The following TRAK1 variants were observed in gnomAD, a reference collection of about 807,000 sequenced individuals.
The protein encoded by TRAK1 is trafficking kinesin-binding protein 1.
Under a neutral mutation model 92.1 loss-of-function variants are expected in TRAK1, and 33 were observed. The ratio of observed to expected loss-of-function variants is 0.36; its 90% CI spans 0.27 to 0.48. TRAK1 has a LOEUF of 0.48. Ranked by LOEUF, TRAK1 falls within the 20% of genes least tolerant of loss-of-function variation. The pLI, the probability that TRAK1 is intolerant of heterozygous loss-of-function variation, is 0.99. For missense variants in TRAK1, 1,123 were observed against 1,257.9 expected (o/e 0.89, Z 1.62); for synonymous variants, 521 against 517.3 (o/e 1.01, Z -0.10).
At chr3:42,127,750 C>T (rs573413251) in intron 2 of TRAK1, among the ~76,000 whole-genome samples, 3 of 152,322 alleles carry the variant, frequency 2.0e-5, no homozygotes, top group South Asian at 2.1e-4. Flanking sequence ...AGAACATTCA[C>T]ACAAATTGCC....
At chr3:42,051,277 C>T (rs1260517267) in intron 1 of TRAK1, 7 of 152,316 alleles carry the variant, frequency 4.6e-5, no homozygotes, top group East Asian at 3.8e-4. Flanking sequence ...ATTGCCTCCC[C>T]AGCAGTGCAG....
chr3:42,191,378 A>G (rs1233656710), intron 6 of TRAK1, among the ~76,000 whole-genome samples, 180 bp from the exon 7 acceptor site: 4 of 152,294 alleles, frequency 2.6e-5, no homozygotes, highest in East Asian at 1.9e-4. Context: ...GTGCACATCC[A>G]TTATTAAGCT....
intron 1 of TRAK1, among the ~76,000 whole-genome samples, chr3:42,092,207 G>T (rs1705164040): frequency 6.6e-6 from 1 of 152,062 alleles, no homozygotes; most frequent in South Asian, 2.1e-4. Flanking sequence ...CTTGCTGTGG[G>T]GCTGACACCT....
At chr3:42,109,756 G>A (rs1708080976) in intron 1 of TRAK1, among the ~76,000 whole-genome samples, 2 of 152,074 alleles carry the variant, frequency 1.3e-5, no homozygotes, top group African/African-American at 4.8e-5. Flanking sequence ...TATACACCAT[G>A]CAATACTATG....
At chr3:42,017,842 C>T (rs1196429785) in intron 1 of TRAK1, among the ~76,000 whole-genome samples, 4 of 152,012 alleles carry the variant, frequency 2.6e-5, no homozygotes, top group Non-Finnish European at 5.9e-5. Context: ...TTTTTGTTTT[C>T]AAAATTTATT....
chr3:42,112,643 G>T (rs1439616237), intron 1 of TRAK1, among the ~76,000 whole-genome samples: 1 of 128,058 alleles, frequency 7.8e-6, no homozygotes, highest in Non-Finnish European at 1.6e-5. Context: ...GCTGAGGCAC[G>T]AGAATCTCTT....
intron 3 of TRAK1, among the ~76,000 whole-genome samples, chr3:42,180,770 T>C (rs889862026): frequency 6.6e-6 from 1 of 152,146 alleles, no homozygotes; most frequent in Non-Finnish European, 1.5e-5. Flanking sequence ...TTCCTTTGTG[T>C]TACAAACATT....
intron 1 of TRAK1, among the ~76,000 whole-genome samples, chr3:42,117,784 G>T (rs1464138150): frequency 6.6e-6 from 1 of 151,734 alleles, no homozygotes; most frequent in Non-Finnish European, 1.5e-5. Flanking sequence ...TAGATAGGCT[G>T]ACTTCTTCTG....
intron 2 of TRAK1, among the ~76,000 whole-genome samples, chr3:42,142,425 C>A (rs1331547803): frequency 6.6e-6 from 1 of 152,146 alleles, no homozygotes; most frequent in Admixed American, 6.5e-5. Flanking sequence ...GAATTTGGGG[C>A]CCCAGTGTGG....
At chr3:42,133,279 A>C (rs1238900337) in intron 2 of TRAK1, among the ~76,000 whole-genome samples, 1 of 152,116 alleles carries the variant, frequency 6.6e-6, no homozygotes, top group African/African-American at 2.4e-5. Context: ...ACCCTATAGC[A>C]GCCCCACCAG....
chr3:42,053,998 C>A (rs1703091807), intron 1 of TRAK1, among the ~76,000 whole-genome samples: 1 of 152,104 alleles, frequency 6.6e-6, no homozygotes, highest in Non-Finnish European at 1.5e-5. Context: ...CTGAATCTTC[C>A]CTGTTTCCTA....
chr3:42,131,855 C>T (rs928109004), intron 2 of TRAK1, among the ~76,000 whole-genome samples: 2 of 149,572 alleles, frequency 1.3e-5, no homozygotes, highest in Admixed American at 6.7e-5. Flanking sequence ...CCCAGAAGTT[C>T]GAGACCAGCC....
chr3:42,106,290 A>G (rs1707557779), intron 1 of TRAK1, among the ~76,000 whole-genome samples: 1 of 152,234 alleles, frequency 6.6e-6, no homozygotes. Context: ...ACGTGCAGAG[A>G]CACACATAGG....
At chr3:42,138,876 GGTGTGTGTGTGT>G (rs60025099) in intron 2 of TRAK1, among the ~76,000 whole-genome samples, 4,772 of 118,740 alleles carry the variant, frequency 0.04, 146 homozygotes, top group Non-Finnish European at 0.058. Flanking sequence ...AAGCATAGGG[GGTGTGTGTGTGT>G]GTGTGTGTGT....
At chr3:42,170,365 C>G (rs1448706944) in intron 2 of TRAK1, among the ~76,000 whole-genome samples, 1 of 152,196 alleles carries the variant, frequency 6.6e-6, no homozygotes, top group Non-Finnish European at 1.5e-5. Context: ...TTCTGAACCT[C>G]TGTCCCCTGC....
intron 1 of TRAK1, among the ~76,000 whole-genome samples, chr3:42,036,642 A>T (rs1001803452): frequency 6.6e-6 from 1 of 152,256 alleles, no homozygotes; most frequent in Admixed American, 6.5e-5. Flanking sequence ...GACTCATGTC[A>T]CACAAGGGGA....
chr3:42,221,870 T>C (rs565814727), intron 15 of TRAK1: 2 of 152,128 alleles, frequency 1.3e-5, no homozygotes, highest in African/African-American at 2.4e-5. Context: ...TCATAGCCAA[T>C]GAGGTTTATT....
chr3:42,047,981 A>T, intron 1 of TRAK1, among the ~76,000 whole-genome samples: 1 of 145,554 alleles, frequency 6.9e-6, no homozygotes. Flanking sequence ...CAGTAATAGG[A>T]TGGTGAATTA....
intron 2 of TRAK1, among the ~76,000 whole-genome samples, chr3:42,157,969 C>A (rs1353038144): frequency 1.3e-5 from 2 of 151,960 alleles, no homozygotes; most frequent in Non-Finnish European, 2.9e-5. Flanking sequence ...AACTGTGTAC[C>A]CCCCAAAAAC....
Sources: allele counts gnomAD v4.1 joint callset (sites outside exome capture counted in the v4.1 genomes callset), GRCh38; gene constraint gnomAD v4.1.1; transcripts MANE v1.5; gene names NCBI Gene and HGNC (gene_info 2026-07-23, HGNC 2026-07-21).